Variants in DNAH8 observed in about 807,000 individuals in gnomAD.
DNAH8 encodes the protein dynein axonemal heavy chain 8.
DNAH8 carries 382 observed loss-of-function variants against 562.1 expected under a neutral mutation model. The ratio of observed to expected loss-of-function variants is 0.68; its 90% CI spans 0.63 to 0.74. DNAH8 has a LOEUF of 0.74. Among genes scored for constraint, DNAH8 ranks in the 30% least tolerant of loss-of-function variants. The probability of loss-of-function intolerance (pLI) is 0.00; values close to 1 mark genes in which losing one functional copy is unlikely to be tolerated. For synonymous variants in DNAH8, 1,881 were observed against 1,919.4 expected (o/e 0.98, Z 0.52); for missense variants, 5,203 against 5,620.4 (o/e 0.93, Z 2.37).
intron 26 of DNAH8, among the ~76,000 whole-genome samples, chr6:38,817,401 C>T (rs1014252313): frequency 6.6e-6 from 1 of 152,170 alleles, no homozygotes; most frequent in African/African-American, 2.4e-5. Flanking sequence ...AACCAGGTGG[C>T]TCAGACCCCT....
At chr6:38,776,374 C>A (rs759924389) in intron 13 of DNAH8, among the ~76,000 whole-genome samples, 1 of 152,040 alleles carries the variant, frequency 6.6e-6, no homozygotes, top group Non-Finnish European at 1.5e-5. Context: ...TGTGCCACCA[C>A]GCCTGGTTAA....
At chr6:38,966,579 T>G (rs35885574) in intron 82 of DNAH8, among the ~76,000 whole-genome samples, 20,268 of 152,076 alleles carry the variant, frequency 0.13, 1,626 homozygotes, top group East Asian at 0.35. Flanking sequence ...AACAAAATTC[T>G]CAACAAAGTA....
Position 38,722,766 on chromosome 6 carries a change from AT to A in DNAH8, c.-34-9del. ...CTGTAGTTTTAAACGAACCTATGTT[AT>A]AATTCTAGGTTTCGAAGTATAAAGC... is the stretch of plus-strand genomic sequence containing the variant. On this transcript the variant is annotated splice_polypyrimidine_tract_variant and intron_variant, in intron 1 of 92. Transcript: ENST00000327475. The A allele has an allele frequency of 6.6e-7, 1 of 1,514,798 alleles. No homozygotes were observed. The highest frequency in any genetic ancestry group is 8.8e-7 in the Non-Finnish European group (1 of 1,132,710). The allele number at this position is 1,514,798 out of a possible 1,614,324, so 93.8% of individuals were successfully genotyped here.
intron 53 of DNAH8, among the ~76,000 whole-genome samples, chr6:38,878,954 A>G (rs1156861765): frequency 1.3e-5 from 2 of 152,166 alleles, no homozygotes; most frequent in African/African-American, 2.4e-5. Context: ...ATAATTCCAT[A>G]TTGTATCCAT....
In DNAH8 at chr6:38,971,586, T is replaced by C. The variant is rs1412464314; in HGVS notation, c.12452-6T>C. 5 of 1,541,928 alleles carry C rather than the reference T, an allele frequency of 3.2e-6. No individual in the cohort carries two copies. The highest frequency in any genetic ancestry group is 4.4e-6 in the Non-Finnish European group (5 of 1,145,338). Reference sequence around the variant, plus strand: ...TCATCATAGTGAACTTTCTCCTATGTTACAGAATGTAGAACTATCTCAATG... The same window carrying C: ...TCATCATAGTGAACTTTCTCCTATGCTACAGAATGTAGAACTATCTCAATG... On this transcript the variant is annotated splice_polypyrimidine_tract_variant and splice_region_variant and intron_variant, in intron 82 of 92. Coordinates refer to ENST00000327475, the MANE Select transcript of DNAH8 (RefSeq NM_001206927.2).
intron 30 of DNAH8, 131 bp downstream of exon 30, chr6:38,828,419 G>C (rs1773554700): frequency 1.8e-6 from 1 of 550,916 alleles, no homozygotes; most frequent in Non-Finnish European, 3.1e-6. Context: ...ACAACAGACT[G>C]CATATACAAC....
intron 61 of DNAH8, among the ~76,000 whole-genome samples, chr6:38,899,045 G>T (rs147646749): frequency 5.9e-5 from 9 of 152,228 alleles, no homozygotes; most frequent in African/African-American, 2.2e-4. Flanking sequence ...TGCAAAACTT[G>T]TATTTTTTTA....
chr6:38,732,782 A>G (rs548010336), intron 4 of DNAH8, among the ~76,000 whole-genome samples: 1 of 152,300 alleles, frequency 6.6e-6, no homozygotes, highest in Admixed American at 6.5e-5. Context: ...TGGCACTCGT[A>G]TCCTCCAGAA....
chr6:38,851,697 C>A (rs764638454), intron 39 of DNAH8, 23 bp downstream of exon 39: 5 of 1,486,098 alleles, frequency 3.4e-6, no homozygotes, highest in Non-Finnish European at 3.7e-6. Context: ...AATCTGTGAT[C>A]TAACTTGCTT....
At chr6:38,750,717 G>A (rs768474246) in intron 9 of DNAH8, 128 bp downstream of exon 9, 7 of 468,664 alleles carry the variant, frequency 1.5e-5, no homozygotes, top group Non-Finnish European at 2.3e-5. Flanking sequence ...GTGAGCTATG[G>A]TTGTGCCACT....
chr6:38,750,787 A>G (rs1009955037), intron 9 of DNAH8, among the ~76,000 whole-genome samples, 198 bp downstream of exon 9: 2 of 152,130 alleles, frequency 1.3e-5, no homozygotes, highest in East Asian at 3.8e-4. Context: ...AAATAGTACA[A>G]TTTAAGAAAC....
rs1323301517 is a variant in DNAH8, at chr6:38,822,983, C to G, written c.3669C>G (p.Asp1223Glu). ...LRKAAHEALQ[D>E]FQKYKTLWTE... ...AGGCAGCTCATGAGGCCCTGCAGGA[C>G]TTTCAGAAGTACAAGACTCTCTGGA... Residue 1223 changes from aspartate to glutamate, a missense_variant, in exon 27 of 93, where the codon GAC becomes GAG. By Grantham distance (45) the Asp-to-Glu change is conservative. Around this residue, in one of 6 missense-constraint regions of DNAH8, gnomAD observed 2,176 missense variants for 2,365.1 expected, o/e 0.92. Transcript: ENST00000327475. 3.1e-6 allele frequency: 5 copies of G among 1,611,574 alleles called. No individual in the cohort carries two copies. In the South Asian group the frequency reaches 4.4e-5, roughly 14 times the overall value.
rs139940795 is a variant in DNAH8, at chr6:38,720,566, A to G, written c.-34-2210A>G. On this transcript the variant is annotated intron_variant, in intron 1 of 92. Transcript: ENST00000327475. ...TGAGTCAGTGACCTAGTGAAAAACA[A>G]AAGAAAATCTACAGGTAAATTGTAA... Among the ~76,000 whole-genome samples the G allele has an allele frequency of 3.2e-3, 487 of 152,300 alleles. 3 individuals carry two copies. The highest frequency in any genetic ancestry group is 0.011 in the African/African-American group (449 of 41,542).
chr6:38,815,997 T>C (rs928250025), intron 26 of DNAH8, among the ~76,000 whole-genome samples: 3 of 152,166 alleles, frequency 2.0e-5, no homozygotes, highest in African/African-American at 4.8e-5. Context: ...CAAAATGTTA[T>C]GAACATTTTT....
In DNAH8 at chr6:38,851,781, T is replaced by C. The variant is rs1775769012; in HGVS notation, c.5466+107T>C. The C allele has an allele frequency of 1.6e-5, 12 of 740,638 alleles. No individual in the cohort carries two copies. In the South Asian group the frequency reaches 1.9e-4, roughly 12 times the overall value. 45.9% of individuals were successfully genotyped at this position (740,638 alleles called of 1,614,324 possible). On this transcript the variant is annotated intron_variant, in intron 39 of 92. Transcript: ENST00000327475. ...AAATGCAGGCAGGAAAGAAGAGTAT[T>C]ACAAATTACATTGATCATAAAATTT... is the stretch of plus-strand genomic sequence containing the variant.
intron 56 of DNAH8, 62 bp downstream of exon 56, chr6:38,884,060 A>G: frequency 9.5e-7 from 1 of 1,054,770 alleles, no homozygotes; most frequent in South Asian, 3.9e-5. Flanking sequence ...TATATATTAT[A>G]TATATGTAAA....
chr6:38,878,281 A>G (rs1174566381), intron 53 of DNAH8, among the ~76,000 whole-genome samples: 1 of 152,238 alleles, frequency 6.6e-6, no homozygotes. Context: ...ATTTTTTTCC[A>G]GTGCACGGAA....
intron 26 of DNAH8, 125 bp from the exon 27 acceptor site, chr6:38,822,713 C>T (rs1772977311): frequency 8.5e-6 from 6 of 707,766 alleles, no homozygotes. Context: ...CAAAATAGCT[C>T]TTAGTTTCTT....
chr6:38,849,774 C>T (rs556614161), intron 37 of DNAH8, among the ~76,000 whole-genome samples: 1 of 151,952 alleles, frequency 6.6e-6, no homozygotes, highest in Non-Finnish European at 1.5e-5. Flanking sequence ...TTTTCACTTG[C>T]GAAAATGTAA....
Sources: allele counts gnomAD v4.1 joint callset (sites outside exome capture counted in the v4.1 genomes callset), GRCh38; gene constraint gnomAD v4.1.1; regional missense constraint gnomAD v4.1.1; transcripts MANE v1.5; gene names NCBI Gene and HGNC (gene_info 2026-07-23, HGNC 2026-07-21).